The following FAM168A variants were observed in gnomAD, a reference collection of about 807,000 sequenced individuals.
The protein encoded by FAM168A is family with sequence similarity 168 member A.
FAM168A carries 3 observed loss-of-function variants against 28.5 expected under a neutral mutation model. The observed-to-expected ratio is 0.11, with a 90% CI of 0.05 to 0.27. The LOEUF is 0.27. FAM168A is among the 10% of genes least tolerant of loss of function. FAM168A has a pLI of 1.00. For synonymous variants in FAM168A, 122 were observed against 124.2 expected (o/e 0.98, Z 0.12); for missense variants, 222 against 311.5 (o/e 0.71, Z 2.16).
At chr11:73,584,731 C>A (rs1225285329) in intron 1 of FAM168A, among the ~76,000 whole-genome samples, 1 of 152,144 alleles carries the variant, frequency 6.6e-6, no homozygotes, top group Non-Finnish European at 1.5e-5. Context: ...CCCGCCTCAG[C>A]CTCCCAAAGT....
Position 73,575,687 on chromosome 11 carries a change from T to G in FAM168A, c.-19+22236A>C, listed in dbSNP as rs182701461. ...GAGTTTGAGACCAGCCTGGTCAACG[T>G]GGTGAAACCCTGTCTCTACTAAAAC... On this transcript the variant is annotated intron_variant, in intron 1 of 7. Coordinates refer to ENST00000356467, the MANE Select transcript of FAM168A (RefSeq NM_015159.3). 4.1e-3 allele frequency among the ~76,000 whole-genome samples: 626 copies of G among 152,210 alleles called. 9 individuals carry two copies. The highest frequency in any genetic ancestry group is 0.014 in the African/African-American group (600 of 41,506).
intron 4 of FAM168A, among the ~76,000 whole-genome samples, chr11:73,417,599 G>A (rs999202482): frequency 1.6e-5 from 2 of 121,884 alleles, no homozygotes; most frequent in Non-Finnish European, 3.3e-5. Flanking sequence ...TCACTCTGTT[G>A]CCCAGGCTGT....
At chr11:73,454,546 C>A (rs1245098960) in intron 2 of FAM168A, among the ~76,000 whole-genome samples, 1 of 152,172 alleles carries the variant, frequency 6.6e-6, no homozygotes, top group Non-Finnish European at 1.5e-5. Context: ...AAAGAGCAGG[C>A]CCCTGGCGAA....
At chr11:73,433,076 C>CTTTTTTTTTTTTTTT (rs34994742) in intron 2 of FAM168A, among the ~76,000 whole-genome samples, 14 of 80,602 alleles carry the variant, frequency 1.7e-4, no homozygotes, top group African/African-American at 8.2e-4. Context: ...CACGCCCCGC[C>CTTTTTTTTTTTTTTT]TTTTTTTTTT....
At chr11:73,547,152 G>C (rs994641258) in intron 1 of FAM168A, among the ~76,000 whole-genome samples, 18 of 147,804 alleles carry the variant, frequency 1.2e-4, no homozygotes, top group African/African-American at 4.5e-4. Flanking sequence ...GGAGTAGGCA[G>C]AGGAAAAGGC....
intron 1 of FAM168A, among the ~76,000 whole-genome samples, chr11:73,514,825 T>TCTGC (rs1383323179): frequency 1.2e-4 from 17 of 142,832 alleles, no homozygotes; most frequent in African/African-American, 2.9e-4. Flanking sequence ...AGAGTGAGAC[T>TCTGC]CTGCCATCCA....
chr11:73,460,286 G>C (rs1413003971), intron 2 of FAM168A, among the ~76,000 whole-genome samples: 1 of 152,092 alleles, frequency 6.6e-6, no homozygotes, highest in Non-Finnish European at 1.5e-5. Context: ...CATTAGCAAG[G>C]ATAGACAAAT....
chr11:73,585,083 C>G (rs1944296140), intron 1 of FAM168A, among the ~76,000 whole-genome samples: 1 of 151,964 alleles, frequency 6.6e-6, no homozygotes, highest in African/African-American at 2.4e-5. Flanking sequence ...AAGAAGAGAC[C>G]AAGTAAGCTA....
chr11:73,447,288 C>A (rs1867334966), intron 2 of FAM168A, among the ~76,000 whole-genome samples: 1 of 152,074 alleles, frequency 6.6e-6, no homozygotes, highest in African/African-American at 2.4e-5. Context: ...GTGCCTCACA[C>A]CTGTAATCCC....
chr11:73,439,879 C>CTTTTTTT (rs761818483), intron 2 of FAM168A, among the ~76,000 whole-genome samples: 38 of 97,032 alleles, frequency 3.9e-4, no homozygotes, highest in Non-Finnish European at 4.8e-4. Flanking sequence ...TCTCAGGTCA[C>CTTTTTTT]TTTTTTTTTT....
chr11:73,539,502 C>T (rs907560837), intron 1 of FAM168A, among the ~76,000 whole-genome samples: 1 of 152,114 alleles, frequency 6.6e-6, no homozygotes, highest in Non-Finnish European at 1.5e-5. Context: ...ATCTTCTGAC[C>T]TCATGATCCA....
intron 1 of FAM168A, among the ~76,000 whole-genome samples, chr11:73,499,597 T>C (rs919978370): frequency 6.6e-6 from 1 of 152,082 alleles, no homozygotes; most frequent in Non-Finnish European, 1.5e-5. Context: ...GAACATGTTC[T>C]AACCCAATGC....
intron 2 of FAM168A, 142 bp downstream of exon 2, chr11:73,468,263 C>T (rs1565258981): frequency 6.4e-6 from 4 of 624,978 alleles, no homozygotes; most frequent in Non-Finnish European, 8.1e-6. Context: ...GAGATCTTTC[C>T]GCTGGACCTC....
At chr11:73,408,780 C>CAAAA (rs61669430) in intron 6 of FAM168A, among the ~76,000 whole-genome samples, 3 of 97,410 alleles carry the variant, frequency 3.1e-5, no homozygotes, top group East Asian at 3.2e-4. Context: ...GACCCTGTCT[C>CAAAA]AAAAAAAAAA....
intron 1 of FAM168A, among the ~76,000 whole-genome samples, chr11:73,568,779 C>T (rs1233988768): frequency 6.6e-6 from 1 of 152,062 alleles, no homozygotes; most frequent in African/African-American, 2.4e-5. Context: ...CCTGTAATTC[C>T]AGCTACTCAG....
At chr11:73,508,892 A>C (rs994796533) in intron 1 of FAM168A, among the ~76,000 whole-genome samples, 1 of 152,216 alleles carries the variant, frequency 6.6e-6, no homozygotes, top group African/African-American at 2.4e-5. Flanking sequence ...GTATGTGTGT[A>C]GTCACTGATC....
chr11:73,435,450 T>C (rs1590773047), intron 2 of FAM168A, among the ~76,000 whole-genome samples: 1 of 152,244 alleles, frequency 6.6e-6, no homozygotes, highest in Non-Finnish European at 1.5e-5. Flanking sequence ...CAAGTGGAAT[T>C]ATTTTTAATT....
intron 2 of FAM168A, among the ~76,000 whole-genome samples, chr11:73,461,292 T>A (rs1009596130): frequency 2.0e-5 from 3 of 151,922 alleles, no homozygotes; most frequent in African/African-American, 7.3e-5. Flanking sequence ...AATTTTTACA[T>A]TTTTTTATAG....
At chr11:73,535,308 A>G (rs1943563123) in intron 1 of FAM168A, among the ~76,000 whole-genome samples, 1 of 151,754 alleles carries the variant, frequency 6.6e-6, no homozygotes, top group Admixed American at 6.6e-5. Flanking sequence ...TGGCACAATC[A>G]CAGCTCACTG....
Sources: allele counts gnomAD v4.1 joint callset (sites outside exome capture counted in the v4.1 genomes callset), GRCh38; gene constraint gnomAD v4.1.1; transcripts MANE v1.5; gene names NCBI Gene and HGNC (gene_info 2026-07-23, HGNC 2026-07-21).